SPECC1: variants seen among roughly 807,000 people sequenced by gnomAD.
SPECC1 encodes cytospin-B.
Under a neutral mutation model 104.1 loss-of-function variants are expected in SPECC1, and 62 were observed. The observed-to-expected ratio is 0.60, with a 90% CI of 0.49 to 0.74. The LOEUF (loss-of-function observed/expected upper bound fraction) is 0.74, where lower values mean the gene tolerates loss of function less well. SPECC1 is among the 30% of genes least tolerant of loss of function. SPECC1 has a pLI of 0.00. For synonymous variants in SPECC1, 513 were observed against 501.6 expected (o/e 1.02, Z -0.30); for missense variants, 1,306 against 1,310.5 (o/e 1.00, Z 0.05).
chr17:20,114,061 A>G (rs1415121956), intron 3 of SPECC1, among the ~76,000 whole-genome samples: 7 of 152,226 alleles, frequency 4.6e-5, no homozygotes, highest in Non-Finnish European at 1.0e-4. Flanking sequence ...GGAATTTTAA[A>G]CATATATTTG....
chr17:20,261,052 CATT>C (rs568490625), intron 12 of SPECC1, among the ~76,000 whole-genome samples: 51 of 152,262 alleles, frequency 3.3e-4, no homozygotes, highest in Non-Finnish European at 6.8e-4. Context: ...TTCTTTTAAA[CATT>C]ATGAGAGTGC....
At chr17:20,275,511 G>A (rs900976738) in intron 12 of SPECC1, among the ~76,000 whole-genome samples, 5 of 152,172 alleles carry the variant, frequency 3.3e-5, no homozygotes, top group African/African-American at 1.2e-4. Context: ...TTATACTCTA[G>A]TTGCAAAGTT....
chr17:20,278,959 A>G (rs960060347), intron 12 of SPECC1, among the ~76,000 whole-genome samples: 1 of 152,166 alleles, frequency 6.6e-6, no homozygotes, highest in Non-Finnish European at 1.5e-5. Flanking sequence ...CTTTCCTCCC[A>G]TGGGCTGTTT....
intron 14 of SPECC1, among the ~76,000 whole-genome samples, chr17:20,311,101 GT>G (rs58086529): frequency 0.014 from 1,274 of 94,124 alleles, 14 homozygotes; most frequent in African/African-American, 0.028. Context: ...CCTTAGTGGG[GT>G]TTTTTTTTTT....
At chr17:20,221,914 G>A (rs1438495969) in intron 4 of SPECC1, among the ~76,000 whole-genome samples, 1 of 151,184 alleles carries the variant, frequency 6.6e-6, no homozygotes, top group Non-Finnish European at 1.5e-5. Context: ...ATTCAGGAGT[G>A]TATTACTTAA....
At chr17:20,074,326 A>G (rs984482567) in intron 1 of SPECC1, among the ~76,000 whole-genome samples, 2 of 152,244 alleles carry the variant, frequency 1.3e-5, no homozygotes, top group African/African-American at 2.4e-5. Context: ...CCCAGATGGC[A>G]GAGTTTCAAG....
At chr17:20,093,435 TGAGC>T (rs2152502091) in intron 1 of SPECC1, among the ~76,000 whole-genome samples, 1 of 152,330 alleles carries the variant, frequency 6.6e-6, no homozygotes, top group East Asian at 1.9e-4. Flanking sequence ...GTAGGGTTAC[TGAGC>T]TATTTACATA....
intron 1 of SPECC1, among the ~76,000 whole-genome samples, chr17:20,021,683 A>T (rs1054994890): frequency 3.8e-5 from 5 of 132,368 alleles, no homozygotes; most frequent in African/African-American, 1.1e-4. Context: ...ATAATATAAT[A>T]ATATATATAT....
chr17:20,297,452 A>G (rs975965891), intron 13 of SPECC1, among the ~76,000 whole-genome samples: 1 of 152,396 alleles, frequency 6.6e-6, no homozygotes, highest in East Asian at 1.9e-4. Flanking sequence ...AAGAAGTCCT[A>G]CATTAAGAAA....
chr17:20,260,961 T>C (rs1042419190), intron 12 of SPECC1, among the ~76,000 whole-genome samples: 4 of 152,162 alleles, frequency 2.6e-5, no homozygotes, highest in Non-Finnish European at 5.9e-5. Context: ...ATGAGGACAT[T>C]TGCAACTTTG....
At chr17:20,261,374 C>T (rs1431923676) in intron 12 of SPECC1, among the ~76,000 whole-genome samples, 2 of 151,716 alleles carry the variant, frequency 1.3e-5, no homozygotes, top group East Asian at 1.9e-4. Context: ...TGGTGGCGGG[C>T]GCCTGTAGTC....
In SPECC1 at chr17:20,282,347, G is replaced by C. The variant is rs144257545; in HGVS notation, c.2941-14614G>C. The stretch of plus-strand genomic sequence containing the variant: ...TCCACAGAGGAGTAAAGGGAAGGGC[G>C]CTGCTTCCTGCACCAGCTCACCGTG... On this transcript the variant is annotated intron_variant, in intron 12 of 14. Coordinates refer to ENST00000395527, the MANE Select transcript of SPECC1 (RefSeq NM_001243439.2). Among the ~76,000 whole-genome samples, 61 of 152,310 alleles carry C rather than the reference G, an allele frequency of 4.0e-4. No homozygotes were observed. In the East Asian group the frequency reaches 4.1e-3, roughly 10 times the overall value.
chr17:20,238,754 C>G (rs2039056970), intron 7 of SPECC1: 1 of 1,043,282 alleles, frequency 9.6e-7, no homozygotes, highest in Non-Finnish European at 1.2e-6. Flanking sequence ...CAAGTATAAA[C>G]AATAAGAAAA....
chr17:20,062,540 C>T (rs1448007186), intron 1 of SPECC1, among the ~76,000 whole-genome samples: 2 of 151,774 alleles, frequency 1.3e-5, no homozygotes, highest in Non-Finnish European at 2.9e-5. Context: ...TTTTTAAAAA[C>T]TTTTTTTAGA....
At chr17:20,077,855 G>A (rs2046820827) in intron 1 of SPECC1, among the ~76,000 whole-genome samples, 2 of 152,010 alleles carry the variant, frequency 1.3e-5, no homozygotes, top group Non-Finnish European at 2.9e-5. Flanking sequence ...AGGCACTGGA[G>A]GCAGATTGCT....
At chr17:20,116,962 G>A (rs1206486743) in intron 3 of SPECC1, among the ~76,000 whole-genome samples, 1 of 151,908 alleles carries the variant, frequency 6.6e-6, no homozygotes, top group African/African-American at 2.4e-5. Context: ...CAGTACTGCT[G>A]CTGAGAAATC....
At chr17:20,142,395 T>A (rs185879549) in intron 3 of SPECC1, among the ~76,000 whole-genome samples, 341 of 152,268 alleles carry the variant, frequency 2.2e-3, no homozygotes, top group African/African-American at 8.0e-3. Context: ...TTGTTTGCAA[T>A]AACTAAAAGG....
At chr17:20,048,422 T>C (rs2045621927) in intron 1 of SPECC1, among the ~76,000 whole-genome samples, 1 of 151,304 alleles carries the variant, frequency 6.6e-6, no homozygotes, top group African/African-American at 2.4e-5. Flanking sequence ...TGTGAGCCAC[T>C]GCGCCCAGCC....
chr17:20,257,548 TG>T lies in SPECC1; in HGVS notation c.2782del (p.Asp928ThrfsTer5). 1 of 1,613,602 alleles carries T rather than the reference TG, an allele frequency of 6.2e-7. No individual in the cohort carries two copies. The highest frequency in any genetic ancestry group is 8.5e-7 in the Non-Finnish European group (1 of 1,179,880). On this transcript the variant is annotated frameshift_variant, in exon 11 of 15. Transcript: ENST00000395527. LOFTEE classifies it high-confidence loss of function. ...SLSRPPSLGF[G>X]DTRLLSASTR... ...TGAGCAGACCCCCGTCTCTGGGCTT[TG>T]GGGACACAAGACTGCTGAGTGCTTC...
Sources: allele counts gnomAD v4.1 joint callset (sites outside exome capture counted in the v4.1 genomes callset), GRCh38; gene constraint gnomAD v4.1.1; transcripts MANE v1.5; gene names NCBI Gene and HGNC (gene_info 2026-07-23, HGNC 2026-07-21).